Variants in NFIB observed in about 807,000 individuals in gnomAD.
NFIB encodes nuclear factor I B, also known as nuclear factor 1 B-type.
A neutral mutation model predicts 61.5 loss-of-function variants in NFIB; 11 were observed. The ratio of observed to expected loss-of-function variants is 0.18; its 90% CI spans 0.11 to 0.30. NFIB has a LOEUF of 0.30. Ranked by LOEUF, NFIB falls within the 10% of genes least tolerant of loss-of-function variation. NFIB has a pLI of 1.00. For synonymous variants in NFIB, 260 were observed against 216.5 expected (o/e 1.20, Z -1.76); for missense variants, 471 against 608.9 (o/e 0.77, Z 2.38).
chr9:14,178,026 T>C (rs1181498163), intron 3 of NFIB, among the ~76,000 whole-genome samples: 5 of 152,184 alleles, frequency 3.3e-5, no homozygotes, highest in Non-Finnish European at 7.4e-5. Flanking sequence ...ACTGCTTTAT[T>C]AGTTTCAAAT....
chr9:14,447,535 A>G, the NFIB span, among the ~76,000 whole-genome samples: 2 of 152,196 alleles, frequency 1.3e-5, no homozygotes, highest in East Asian at 3.8e-4. Flanking sequence ...ATCTCAGACA[A>G]ACTGTGGCTA....
chr9:14,185,092 G>GAA (rs57241853), intron 2 of NFIB, among the ~76,000 whole-genome samples: 31 of 152,012 alleles, frequency 2.0e-4, no homozygotes, highest in Admixed American at 5.2e-4. Flanking sequence ...TTTAAAAAAA[G>GAA]TATACTCTAT....
At chr9:14,292,710 C>T (rs1427592796) in intron 2 of NFIB, among the ~76,000 whole-genome samples, 1 of 152,178 alleles carries the variant, frequency 6.6e-6, no homozygotes, top group Non-Finnish European at 1.5e-5. Context: ...CTGCTTCAAT[C>T]ACTATATGGC....
At chr9:14,173,060 AT>A in intron 3 of NFIB, among the ~76,000 whole-genome samples, 1 of 152,198 alleles carries the variant, frequency 6.6e-6, no homozygotes, top group Non-Finnish European at 1.5e-5. Flanking sequence ...ACACATTTCT[AT>A]TTGATTCCAC....
the NFIB span, among the ~76,000 whole-genome samples, chr9:14,530,839 G>C: frequency 6.6e-6 from 1 of 151,038 alleles, no homozygotes; most frequent in South Asian, 2.1e-4. Flanking sequence ...CTTGTAGTAA[G>C]CACAATAATT....
intron 1 of NFIB, among the ~76,000 whole-genome samples, chr9:14,382,010 G>C (rs934765082): frequency 1.3e-5 from 2 of 152,154 alleles, no homozygotes; most frequent in Non-Finnish European, 2.9e-5. Flanking sequence ...CTGAGAATTT[G>C]TTTGTTGGTT....
intron 10 of NFIB, among the ~76,000 whole-genome samples, chr9:14,090,306 T>A (rs567474732): frequency 6.6e-6 from 1 of 152,256 alleles, no homozygotes; most frequent in East Asian, 1.9e-4. Flanking sequence ...AAACTTTTAC[T>A]AAGCAGCTTA....
the NFIB span, among the ~76,000 whole-genome samples, chr9:14,437,688 A>G: frequency 7.4e-3 from 1,121 of 152,234 alleles, 12 homozygotes; most frequent in African/African-American, 0.025. Flanking sequence ...CCGGGACCGG[A>G]GGGGGTCCCC....
the NFIB span, among the ~76,000 whole-genome samples, chr9:14,425,145 C>T: frequency 3.9e-5 from 6 of 152,192 alleles, no homozygotes; most frequent in Admixed American, 1.3e-4. Flanking sequence ...TTCTCTATGG[C>T]GTGGCTGACA....
chr9:14,156,561 A>C (rs970055294), intron 3 of NFIB, among the ~76,000 whole-genome samples: 1 of 152,212 alleles, frequency 6.6e-6, no homozygotes, highest in African/African-American at 2.4e-5. Flanking sequence ...TTTTCTGGCA[A>C]ATGGTGGTGA....
At chr9:14,098,006 A>G (rs913423828) in intron 10 of NFIB, among the ~76,000 whole-genome samples, 1 of 151,768 alleles carries the variant, frequency 6.6e-6, no homozygotes, top group Non-Finnish European at 1.5e-5. Context: ...ATTTCTTAGA[A>G]AAACATGTGT....
At chr9:14,162,306 T>C (rs1162865032) in intron 3 of NFIB, among the ~76,000 whole-genome samples, 1 of 152,094 alleles carries the variant, frequency 6.6e-6, no homozygotes, top group South Asian at 2.1e-4. Flanking sequence ...CTCAGATTTT[T>C]AAAAAGTTTT....
the NFIB span, among the ~76,000 whole-genome samples, chr9:14,432,935 T>A: frequency 2.6e-5 from 4 of 152,224 alleles, no homozygotes; most frequent in African/African-American, 9.7e-5. Context: ...CTGAAAGAAC[T>A]TGATAGATTC....
chr9:14,216,344 A>G (rs555747849), intron 2 of NFIB, among the ~76,000 whole-genome samples: 4 of 152,306 alleles, frequency 2.6e-5, no homozygotes, highest in African/African-American at 4.8e-5. Flanking sequence ...TCGTTTTTCA[A>G]GTCACTTTAC....
intron 1 of NFIB, among the ~76,000 whole-genome samples, chr9:14,395,183 A>T (rs2061669225): frequency 6.6e-6 from 1 of 152,004 alleles, no homozygotes; most frequent in Non-Finnish European, 1.5e-5. Flanking sequence ...TTAAGCCTCC[A>T]TATGTGTGCT....
chr9:14,303,244 ACAGT>A (rs2059845187), intron 2 of NFIB, among the ~76,000 whole-genome samples: 1 of 152,220 alleles, frequency 6.6e-6, no homozygotes, highest in Admixed American at 6.5e-5. Flanking sequence ...ACTGAGAGCA[ACAGT>A]CAGTCATAAT....
intron 6 of NFIB, among the ~76,000 whole-genome samples, chr9:14,135,179 C>A (rs1771677910): frequency 3.3e-5 from 5 of 151,930 alleles, no homozygotes; most frequent in Non-Finnish European, 1.5e-5. Flanking sequence ...TCAAATTCCC[C>A]ACAAATAACT....
intron 2 of NFIB, among the ~76,000 whole-genome samples, chr9:14,187,641 T>G (rs1010309626): frequency 3.9e-5 from 6 of 152,292 alleles, no homozygotes; most frequent in South Asian, 2.1e-4. Flanking sequence ...AGAGCCACTT[T>G]TTTGCTTAAC....
At chr9:14,274,291 C>CACACACACACACAT in intron 2 of NFIB, among the ~76,000 whole-genome samples, 1 of 149,794 alleles carries the variant, frequency 6.7e-6, no homozygotes, top group Admixed American at 6.7e-5. Context: ...CACACACACA[C>CACACACACACACAT]GAAGACATCC....
Sources: gnomAD v4.1 joint callset for allele counts (sites outside exome capture counted in the v4.1 genomes callset) on GRCh38, gnomAD v4.1.1 for gene constraint, MANE v1.5 for transcripts, NCBI Gene and HGNC (gene_info 2026-07-23, HGNC 2026-07-21) for gene names.